The following MACROD2 variants were observed in gnomAD, a reference collection of about 807,000 sequenced individuals.
MACROD2 encodes ADP-ribose glycohydrolase MACROD2.
MACROD2 carries 36 observed loss-of-function variants against 70.4 expected under a neutral mutation model. That is an observed-to-expected ratio of 0.51 (90% CI 0.39 to 0.68). The LOEUF (loss-of-function observed/expected upper bound fraction) is 0.68, where lower values mean the gene tolerates loss of function less well. MACROD2 is among the 30% of genes least tolerant of loss of function. The pLI is 0.00. For synonymous variants in MACROD2, 172 were observed against 178.8 expected (o/e 0.96, Z 0.30); for missense variants, 496 against 538.4 (o/e 0.92, Z 0.78).
chr20:15,350,782 T>C (rs182609144), intron 6 of MACROD2, among the ~76,000 whole-genome samples: 6 of 152,330 alleles, frequency 3.9e-5, no homozygotes, highest in Non-Finnish European at 5.9e-5. Flanking sequence ...CTTAGACTTA[T>C]TACTGATTCT....
intron 10 of MACROD2, among the ~76,000 whole-genome samples, chr20:15,892,606 T>C (rs1202671985): frequency 6.6e-6 from 1 of 152,216 alleles, no homozygotes; most frequent in Non-Finnish European, 1.5e-5. Context: ...CGAACACTCT[T>C]GGAGGAAAAA....
intron 4 of MACROD2, among the ~76,000 whole-genome samples, chr20:14,505,262 G>A (rs970354295): frequency 1.1e-4 from 16 of 152,156 alleles, no homozygotes; most frequent in South Asian, 6.2e-4. Context: ...ACAGTATATA[G>A]CTTTGGAAGG....
intron 4 of MACROD2, among the ~76,000 whole-genome samples, chr20:14,572,092 C>T (rs1219273772): frequency 6.6e-6 from 1 of 152,008 alleles, no homozygotes; most frequent in African/African-American, 2.4e-5. Context: ...TTTTATAGTC[C>T]TGCTGGTACG....
intron 9 of MACROD2, among the ~76,000 whole-genome samples, chr20:15,866,829 A>G (rs1469250022): frequency 6.6e-6 from 1 of 152,182 alleles, no homozygotes; most frequent in Non-Finnish European, 1.5e-5. Context: ...TTCACATTAT[A>G]GAGGTATTGT....
intron 7 of MACROD2, among the ~76,000 whole-genome samples, chr20:15,494,581 T>G (rs946905484): frequency 4.6e-5 from 7 of 152,144 alleles, no homozygotes; most frequent in Non-Finnish European, 7.4e-5. Flanking sequence ...GAACACACAT[T>G]ATATAATTCA....
intron 4 of MACROD2, among the ~76,000 whole-genome samples, chr20:14,551,389 G>A (rs1022704508): frequency 4.6e-5 from 7 of 152,138 alleles, no homozygotes; most frequent in African/African-American, 1.4e-4. Flanking sequence ...TGCAATAGAT[G>A]AATGTCATGA....
chr20:15,445,653 C>T (rs1240721626), intron 7 of MACROD2, among the ~76,000 whole-genome samples: 1 of 152,094 alleles, frequency 6.6e-6, no homozygotes, highest in Non-Finnish European at 1.5e-5. Flanking sequence ...AAGTCCAATG[C>T]TTGCGTTTCG....
At chr20:15,215,127 A>T (rs1401575862) in intron 5 of MACROD2, among the ~76,000 whole-genome samples, 3 of 152,152 alleles carry the variant, frequency 2.0e-5, no homozygotes, top group Non-Finnish European at 2.9e-5. Flanking sequence ...TTTATAAAAG[A>T]TGAGGTATAA....
rs562470363 is a variant in MACROD2, at chr20:15,020,299, G to T, written c.419-209641G>T. On this transcript the variant is annotated intron_variant, in intron 5 of 17. Transcript: ENST00000684519. The stretch of plus-strand genomic sequence containing the variant: ...TGGGATACTTCTATCTATACTTTAA[G>T]AATTATAGATAAATGGCTTGAGACA... 7.2e-5 allele frequency among the ~76,000 whole-genome samples: 11 copies of T among 152,232 alleles called. 2 individuals carry two copies. In the East Asian group the frequency reaches 2.1e-3, roughly 29 times the overall value.
intron 3 of MACROD2, among the ~76,000 whole-genome samples, chr20:14,264,564 A>G (rs747613519): frequency 3.3e-5 from 5 of 152,238 alleles, no homozygotes; most frequent in Non-Finnish European, 7.3e-5. Flanking sequence ...GACAAGGATG[A>G]TAACAGTAAA....
At chr20:14,959,506 C>G (rs918839061) in intron 5 of MACROD2, among the ~76,000 whole-genome samples, 13 of 152,080 alleles carry the variant, frequency 8.5e-5, no homozygotes, top group African/African-American at 3.1e-4. Flanking sequence ...TTTATTTCTT[C>G]TTTTTCCCTC....
chr20:14,926,861 G>A (rs560864503), intron 5 of MACROD2, among the ~76,000 whole-genome samples: 2 of 152,268 alleles, frequency 1.3e-5, no homozygotes, highest in African/African-American at 4.8e-5. Context: ...TTAGAAAAGT[G>A]TATTTGAAAT....
At chr20:15,020,453 C>A (rs1251069626) in intron 5 of MACROD2, among the ~76,000 whole-genome samples, 1 of 152,032 alleles carries the variant, frequency 6.6e-6, no homozygotes, top group Admixed American at 6.6e-5. Context: ...TGTCTTAAAA[C>A]CAAAGTCAAA....
intron 6 of MACROD2, among the ~76,000 whole-genome samples, chr20:15,232,111 A>C (rs1353962260): frequency 6.6e-6 from 1 of 151,326 alleles, no homozygotes; most frequent in African/African-American, 2.4e-5. Flanking sequence ...TTTGGAGTAA[A>C]TGGGGCTCTC....
At position 14,348,609 on chromosome 20, in the gene MACROD2, T is replaced by C. The variant is rs933147447; in HGVS notation, c.272-144870T>C. On this transcript the variant is annotated intron_variant, in intron 3 of 17. Transcript: ENST00000684519. ...AGGAAAACCACCAATTGTCCTGTTA[T>C]CTCAAGGAATGATTTTTGGTGGAAT... Among the ~76,000 whole-genome samples, 7 of 152,320 alleles carry C rather than the reference T, an allele frequency of 4.6e-5. 1 individual carries two copies. Among genetic ancestry groups the C allele is most frequent in the Non-Finnish European group, 8.8e-5 (6 of 68,018 alleles).
chr20:15,609,171 G>A (rs750362179), intron 8 of MACROD2, among the ~76,000 whole-genome samples: 1 of 152,094 alleles, frequency 6.6e-6, no homozygotes, highest in African/African-American at 2.4e-5. Context: ...CAGGTGCTCT[G>A]GGATGGAGCT....
chr20:14,862,338 T>TA (rs2073352145), intron 5 of MACROD2, among the ~76,000 whole-genome samples: 1 of 25,926 alleles, frequency 3.9e-5, no homozygotes, highest in Admixed American at 8.1e-4. Context: ...AAAATATATA[T>TA]TAATATATAA....
chr20:14,499,820 CTTTT>C (rs1453999672), intron 4 of MACROD2, among the ~76,000 whole-genome samples: 2 of 151,686 alleles, frequency 1.3e-5, no homozygotes, highest in Non-Finnish European at 2.9e-5. Flanking sequence ...TCCTTCTTTT[CTTTT>C]TGTCTTTCTC....
chr20:15,177,934 A>C (rs2076474118), intron 5 of MACROD2, among the ~76,000 whole-genome samples: 1 of 151,884 alleles, frequency 6.6e-6, no homozygotes, highest in South Asian at 2.1e-4. Context: ...ATAATGAAAA[A>C]TGGCATGCTT....
Sources: gnomAD v4.1 joint callset for allele counts (sites outside exome capture counted in the v4.1 genomes callset) on GRCh38, gnomAD v4.1.1 for gene constraint, MANE v1.5 for transcripts, NCBI Gene and HGNC (gene_info 2026-07-23, HGNC 2026-07-21) for gene names.